The following PCSK5 variants were observed in gnomAD, a reference collection of about 807,000 sequenced individuals.
PCSK5 encodes the protein prohormone convertase 5.
Under a neutral mutation model 233.2 loss-of-function variants are expected in PCSK5, and 129 were observed. That is an observed-to-expected ratio of 0.55 (90% confidence interval 0.48 to 0.64). The LOEUF (loss-of-function observed/expected upper bound fraction) is 0.64. Ranked by LOEUF, PCSK5 falls within the 30% of genes least tolerant of loss-of-function variation. The pLI is 0.00. For synonymous variants in PCSK5, 825 were observed against 879.2 expected, an observed-to-expected ratio of 0.94 and a Z score of 1.09; for missense variants, 2,076 against 2,430.1, an observed-to-expected ratio of 0.85 and a Z score of 3.06.
At chr9:76,264,155 A>G (rs939986233) in intron 24 of PCSK5, among the ~76,000 whole-genome samples, 1 of 152,224 alleles carries the variant, frequency 6.6e-6, no homozygotes, top group Non-Finnish European at 1.5e-5. Context: ...ATAAATTCAT[A>G]TACCTACAGC....
At chr9:76,193,461 CTTTTCTTGCTCTCT>C in intron 20 of PCSK5, 1 of 784,584 alleles carries the variant, frequency 1.3e-6, no homozygotes, top group South Asian at 2.4e-5. Context: ...CTCTCTCTTT[CTTTTCTTGCTCTCT>C]TTTTCTTTCT....
chr9:75,902,980 T>A (rs1826105818), intron 1 of PCSK5, among the ~76,000 whole-genome samples: 1 of 152,194 alleles, frequency 6.6e-6, no homozygotes, highest in Non-Finnish European at 1.5e-5. Flanking sequence ...TAAGGATGAT[T>A]TTTTAAAATG....
Position 76,342,768 on chromosome 9 carries a change from C to G in PCSK5, c.4966+4321C>G, listed in dbSNP as rs573223114. 3.3e-5 allele frequency among the ~76,000 whole-genome samples: 5 copies of G among 152,122 alleles called. No homozygotes were observed. The South Asian group carries it at 1.0e-3, about 32-fold the overall frequency. On this transcript the variant is annotated intron_variant, in intron 35 of 37. Coordinates refer to ENST00000674117, the MANE Select transcript of PCSK5 (RefSeq NM_001372043.1). ...CAGACACCTCCAACTCCTCACCCCA[C>G]TCCCAAACTACTTGTTCTGTGCTCC...
chr9:75,977,949 T>G (rs1271014554), intron 2 of PCSK5, among the ~76,000 whole-genome samples: 3 of 151,980 alleles, frequency 2.0e-5, no homozygotes, highest in Non-Finnish European at 4.4e-5. Context: ...AGAGAAGGGG[T>G]CAATGAAACA....
At chr9:76,215,700 C>T (rs1032612377) in intron 20 of PCSK5, among the ~76,000 whole-genome samples, 4 of 151,970 alleles carry the variant, frequency 2.6e-5, no homozygotes, top group South Asian at 2.1e-4. Context: ...GGCAGGCAGG[C>T]GATCCTTCTC....
At chr9:76,068,167 A>G in intron 6 of PCSK5, 124 bp downstream of exon 6, 2 of 638,234 alleles carry the variant, frequency 3.1e-6, no homozygotes, top group Non-Finnish European at 2.8e-6. Context: ...ATAGTGTTCA[A>G]CTATTGCTGG....
chr9:76,342,795 T>C (rs545633960), intron 35 of PCSK5, among the ~76,000 whole-genome samples: 1 of 152,234 alleles, frequency 6.6e-6, no homozygotes, highest in East Asian at 1.9e-4. Flanking sequence ...CTGTGCTCCC[T>C]ATTGGGATAA....
At chr9:76,339,335 T>C (rs1228423725) in intron 35 of PCSK5, among the ~76,000 whole-genome samples, 2 of 152,302 alleles carry the variant, frequency 1.3e-5, no homozygotes, top group East Asian at 3.9e-4. Context: ...TTTTTAGTTC[T>C]TTTATATAAA....
chr9:76,005,244 CTT>C (rs1827427469), intron 3 of PCSK5, among the ~76,000 whole-genome samples: 2 of 152,178 alleles, frequency 1.3e-5, no homozygotes, highest in South Asian at 2.1e-4. Context: ...GAGTCAGACT[CTT>C]TGGTTCCAAA....
chr9:75,921,170 C>A (rs1330561296), intron 1 of PCSK5, among the ~76,000 whole-genome samples: 1 of 152,118 alleles, frequency 6.6e-6, no homozygotes, highest in Non-Finnish European at 1.5e-5. Flanking sequence ...AGTAGTTCTT[C>A]ACTTTGGCTG....
chr9:76,264,907 T>C (rs1227027522), intron 24 of PCSK5, among the ~76,000 whole-genome samples: 1 of 152,126 alleles, frequency 6.6e-6, no homozygotes, highest in Non-Finnish European at 1.5e-5. Context: ...AGTATATTTA[T>C]ATATACCCAA....
chr9:76,191,514 CAGAA>C (rs1258978459), intron 20 of PCSK5, among the ~76,000 whole-genome samples: 2 of 152,174 alleles, frequency 1.3e-5, no homozygotes, highest in African/African-American at 2.4e-5. Flanking sequence ...AAAAAGGTGT[CAGAA>C]AGAACGGGGC....
At chr9:76,238,402 T>G (rs1174696093) in intron 22 of PCSK5, among the ~76,000 whole-genome samples, 1 of 152,186 alleles carries the variant, frequency 6.6e-6, no homozygotes, top group East Asian at 1.9e-4. Flanking sequence ...GTCAAAGAAG[T>G]GTGCTTGGTC....
chr9:76,182,477 G>GAATAATTT (rs1329296756), intron 16 of PCSK5, among the ~76,000 whole-genome samples: 1 of 150,984 alleles, frequency 6.6e-6, no homozygotes, highest in Non-Finnish European at 1.5e-5. Context: ...AGACAAAATT[G>GAATAATTT]AATAATTTAA....
intron 3 of PCSK5, among the ~76,000 whole-genome samples, chr9:75,994,765 C>T (rs1826940307): frequency 6.6e-6 from 1 of 152,128 alleles, no homozygotes; most frequent in Non-Finnish European, 1.5e-5. Flanking sequence ...GTCTGTTCTT[C>T]ATACAGCAGC....
chr9:76,276,683 G>A (rs977474144), intron 24 of PCSK5, among the ~76,000 whole-genome samples: 1 of 152,052 alleles, frequency 6.6e-6, no homozygotes, highest in Admixed American at 6.6e-5. Context: ...GGCCTCACTA[G>A]CCCATCTAAA....
At chr9:75,901,502 G>A (rs146564177) in intron 1 of PCSK5, among the ~76,000 whole-genome samples, 9 of 152,102 alleles carry the variant, frequency 5.9e-5, no homozygotes, top group South Asian at 2.1e-4. Flanking sequence ...GAGAGCATTA[G>A]GACAGATACC....
chr9:76,218,074 TA>T (rs1488023438), intron 20 of PCSK5, among the ~76,000 whole-genome samples: 2 of 152,100 alleles, frequency 1.3e-5, no homozygotes, highest in African/African-American at 2.4e-5. Flanking sequence ...GAGCAGTCCA[TA>T]GGGGGACCAA....
intron 1 of PCSK5, among the ~76,000 whole-genome samples, chr9:75,927,735 G>T (rs985237545): frequency 3.9e-5 from 6 of 152,068 alleles, no homozygotes; most frequent in African/African-American, 1.4e-4. Context: ...CAGCTTGCTT[G>T]TGATATGAAA....
Sources: allele counts gnomAD v4.1 joint callset (sites outside exome capture counted in the v4.1 genomes callset), GRCh38; gene constraint gnomAD v4.1.1; transcripts MANE v1.5; gene names NCBI Gene and HGNC (gene_info 2026-07-23, HGNC 2026-07-21).